Variants in ATRNL1 observed in about 807,000 individuals in gnomAD.
The protein encoded by ATRNL1 is attractin-like protein 1.
In ATRNL1, 95 loss-of-function variants were observed where a neutral mutation model predicts 182.7. That is an observed-to-expected ratio of 0.52 (90% CI 0.44 to 0.62). The LOEUF is 0.62. ATRNL1 is among the 20% of genes least tolerant of loss of function. ATRNL1 has a pLI of 0.00. For missense variants in ATRNL1, 1,471 were observed against 1,679.5 expected, an observed-to-expected ratio of 0.88 and a Z score of 2.17; for synonymous variants, 576 against 568.3, an observed-to-expected ratio of 1.01 and a Z score of -0.19.
chr10:115,359,754 A>G (rs1299078369), intron 19 of ATRNL1, among the ~76,000 whole-genome samples: 1 of 151,596 alleles, frequency 6.6e-6, no homozygotes, highest in African/African-American at 2.4e-5. Flanking sequence ...TAGAGAAGAT[A>G]AATAGAATCT....
intron 9 of ATRNL1, among the ~76,000 whole-genome samples, chr10:115,225,221 TA>T (rs1275954942): frequency 2.6e-5 from 4 of 151,894 alleles, no homozygotes; most frequent in African/African-American, 9.7e-5. Flanking sequence ...TAATGGTCTA[TA>T]ATCTTGAAAG....
chr10:115,621,981 C>A (rs1444806479), intron 26 of ATRNL1, among the ~76,000 whole-genome samples: 1 of 152,160 alleles, frequency 6.6e-6, no homozygotes, highest in Non-Finnish European at 1.5e-5. Flanking sequence ...TGAGAGGAGA[C>A]TCACCAGACA....
rs190088316 is a variant in ATRNL1 at position 115,151,873 on chromosome 10, C to T, written c.830-8167C>T. Among the ~76,000 whole-genome samples, 58 of 152,216 alleles carry T rather than the reference C, an allele frequency of 3.8e-4. No individual in the cohort carries two copies. The East Asian group carries it at 0.011, about 28-fold the overall frequency. On this transcript the variant is annotated intron_variant, in intron 5 of 28. Transcript: ENST00000355044. ...TCCAACATTTAAGTCTTTAATTCAT[C>T]TTGAATTAATTTTTGTATAAGGTGT... is the stretch of plus-strand genomic sequence containing the variant.
intron 24 of ATRNL1, among the ~76,000 whole-genome samples, chr10:115,482,679 A>C (rs1193509803): frequency 6.6e-6 from 1 of 151,162 alleles, no homozygotes; most frequent in East Asian, 1.9e-4. Flanking sequence ...TAAAGTTTGA[A>C]TCAGTCCCAA....
At chr10:115,923,449 C>T (rs1953127957) in intron 28 of ATRNL1, among the ~76,000 whole-genome samples, 1 of 152,078 alleles carries the variant, frequency 6.6e-6, no homozygotes, top group Non-Finnish European at 1.5e-5. Flanking sequence ...TGTTGTTCCC[C>T]ACTTTGTGTC....
intron 26 of ATRNL1, among the ~76,000 whole-genome samples, chr10:115,714,679 T>C (rs1469783173): frequency 6.6e-6 from 1 of 152,154 alleles, no homozygotes; most frequent in African/African-American, 2.4e-5. Flanking sequence ...TTGATTGCTA[T>C]GTAAGTGTCC....
chr10:115,206,513 C>T lies in ATRNL1; in HGVS notation c.1349-9184C>T, dbSNP rs546477210. Among the ~76,000 whole-genome samples the T allele has an allele frequency of 2.6e-4, 40 of 152,056 alleles. No homozygotes were observed. In the South Asian group the frequency reaches 8.1e-3, roughly 31 times the overall value. On this transcript the variant is annotated intron_variant, in intron 8 of 28. Coordinates refer to ENST00000355044, the MANE Select transcript of ATRNL1 (RefSeq NM_207303.4). The stretch of plus-strand genomic sequence containing the variant: ...GATTTTTTAAATTGTTTCTCTTGAG[C>T]TAATATCATATCTATATAGGTTATA...
chr10:115,740,494 C>CCTATCTATCTATCTAT (rs35903471), intron 27 of ATRNL1, among the ~76,000 whole-genome samples: 7 of 150,748 alleles, frequency 4.6e-5, no homozygotes, highest in South Asian at 2.1e-4. Context: ...ATATCAAGAT[C>CCTATCTATCTATCTAT]CTATCTATCT....
At chr10:115,492,373 C>T (rs1194593551) in intron 24 of ATRNL1, among the ~76,000 whole-genome samples, 1 of 151,980 alleles carries the variant, frequency 6.6e-6, no homozygotes, top group Non-Finnish European at 1.5e-5. Flanking sequence ...ACTTACATTG[C>T]TAATGTTTTG....
At chr10:115,657,731 A>G (rs1297287040) in intron 26 of ATRNL1, among the ~76,000 whole-genome samples, 1 of 152,052 alleles carries the variant, frequency 6.6e-6, no homozygotes, top group East Asian at 1.9e-4. Context: ...CACCCAAGAA[A>G]TTTCCATTAC....
intron 1 of ATRNL1, among the ~76,000 whole-genome samples, chr10:115,094,811 A>G (rs1022466759): frequency 7.2e-5 from 11 of 152,128 alleles, no homozygotes; most frequent in Admixed American, 2.6e-4. Flanking sequence ...CTTTTAACGA[A>G]TTTGCTGTGT....
chr10:115,905,078 T>C (rs1589671877), intron 28 of ATRNL1, among the ~76,000 whole-genome samples: 1 of 152,166 alleles, frequency 6.6e-6, no homozygotes, highest in South Asian at 2.1e-4. Flanking sequence ...AAGATTATTA[T>C]TGGCCTGGCA....
intron 28 of ATRNL1, among the ~76,000 whole-genome samples, chr10:115,863,176 A>G (rs945828846): frequency 2.3e-4 from 35 of 152,308 alleles, no homozygotes; most frequent in Middle Eastern, 3.4e-3. Context: ...ACCCTTAGAA[A>G]AAACCTGACC....
intron 10 of ATRNL1, among the ~76,000 whole-genome samples, chr10:115,251,631 C>T (rs577751458): frequency 6.6e-6 from 1 of 152,164 alleles, no homozygotes; most frequent in Non-Finnish European, 1.5e-5. Context: ...TTGGCATATC[C>T]TCTGGCCCTT....
At chr10:115,454,018 T>C (rs1847406485) in intron 21 of ATRNL1, among the ~76,000 whole-genome samples, 1 of 152,126 alleles carries the variant, frequency 6.6e-6, no homozygotes, top group African/African-American at 2.4e-5. Flanking sequence ...TCTGTTTCCT[T>C]ATAAGAGTTT....
At chr10:115,578,826 T>C (rs1321348215) in intron 26 of ATRNL1, among the ~76,000 whole-genome samples, 1 of 151,662 alleles carries the variant, frequency 6.6e-6, no homozygotes, top group Non-Finnish European at 1.5e-5. Flanking sequence ...TTGTTTGAGA[T>C]CTTTCTTCTG....
chr10:115,622,918 CTG>C (rs1396557462), intron 26 of ATRNL1, among the ~76,000 whole-genome samples: 13 of 151,568 alleles, frequency 8.6e-5, no homozygotes, highest in African/African-American at 3.2e-4. Context: ...CAGAGCGAGA[CTG>C]TGTCTCGAAA....
At chr10:115,882,514 A>G (rs1210946686) in intron 28 of ATRNL1, among the ~76,000 whole-genome samples, 2 of 151,918 alleles carry the variant, frequency 1.3e-5, no homozygotes, top group African/African-American at 4.8e-5. Context: ...CACATGTGCT[A>G]TTTTTTCAGC....
chr10:115,527,138 G>A (rs993563674), intron 25 of ATRNL1, among the ~76,000 whole-genome samples: 4 of 130,402 alleles, frequency 3.1e-5, no homozygotes, highest in Non-Finnish European at 5.0e-5. Flanking sequence ...TTTCCCCCCC[G>A]AGATAGGGTC....
Sources: gnomAD v4.1 joint callset for allele counts (sites outside exome capture counted in the v4.1 genomes callset) on GRCh38, gnomAD v4.1.1 for gene constraint, MANE v1.5 for transcripts, NCBI Gene and HGNC (gene_info 2026-07-23, HGNC 2026-07-21) for gene names.